Variants in CLVS1 observed in about 807,000 individuals in gnomAD.
CLVS1 encodes clavesin 1.
A neutral mutation model predicts 33.1 loss-of-function variants in CLVS1; 10 were observed. The observed-to-expected ratio is 0.30, with a 90% confidence interval of 0.19 to 0.51. The LOEUF (loss-of-function observed/expected upper bound fraction) is 0.51. Ranked by LOEUF, CLVS1 falls within the 20% of genes least tolerant of loss-of-function variation. The pLI is 0.97. For missense variants in CLVS1, 343 were observed against 433.4 expected (o/e 0.79, Z 1.85); for synonymous variants, 163 against 166.1 (o/e 0.98, Z 0.14).
chr8:61,454,200 T>C lies in CLVS1; in HGVS notation c.690T>C (p.His230=). 6.2e-7 allele frequency: 1 copy of C among 1,614,122 alleles called. No homozygotes were observed. Among genetic ancestry groups the C allele is most frequent in the Non-Finnish European group, 8.5e-7 (1 of 1,179,978 alleles). The stretch of plus-strand genomic sequence containing the variant: ...TTGTCAACCAGCCCTGGTACATTCA[T>C]GCCCTCTACACACTCATCAAGCCAT... ...VHFVNQPWYI[H]ALYTLIKPFL... is the part of the protein sequence containing the mutation. Residue 230 remains histidine, a synonymous_variant, in exon 4 of 6, where the codon CAT becomes CAC. Transcript: ENST00000325897.
At chr8:61,000,275 A>C in the CLVS1 span, among the ~76,000 whole-genome samples, 1 of 152,244 alleles carries the variant, frequency 6.6e-6, no homozygotes, top group South Asian at 2.1e-4. Flanking sequence ...ATTCAGTGTC[A>C]TGAGACAAAA....
intron 3 of CLVS1, among the ~76,000 whole-genome samples, chr8:61,448,662 G>A (rs1035415788): frequency 6.6e-6 from 1 of 151,582 alleles, no homozygotes; most frequent in Non-Finnish European, 1.5e-5. Context: ...GATCACTTGA[G>A]GCCGGGAGTC....
chr8:61,163,579 T>C (rs974573931), intron 2 of CLVS1, among the ~76,000 whole-genome samples: 2 of 152,202 alleles, frequency 1.3e-5, no homozygotes, highest in African/African-American at 4.8e-5. Context: ...GCTCCCAAGA[T>C]GGCAGCAAGC....
At chr8:61,444,991 T>C (rs1402891216) in intron 3 of CLVS1, among the ~76,000 whole-genome samples, 1 of 152,154 alleles carries the variant, frequency 6.6e-6, no homozygotes, top group African/African-American at 2.4e-5. Context: ...TCATTTGTTA[T>C]CTCTGGGAAT....
At chr8:61,067,988 T>TGAGAGA (rs35869191) in intron 1 of CLVS1, among the ~76,000 whole-genome samples, 2 of 143,202 alleles carry the variant, frequency 1.4e-5, no homozygotes, top group East Asian at 2.0e-4. Flanking sequence ...AACTTGATAT[T>TGAGAGA]GAGAGAGAGA....
At chr8:61,200,030 A>G (rs1417850515) in intron 2 of CLVS1, among the ~76,000 whole-genome samples, 2 of 152,248 alleles carry the variant, frequency 1.3e-5, no homozygotes, top group Non-Finnish European at 2.9e-5. Context: ...GAGGAAAAAT[A>G]TAAACACTCG....
intron 2 of CLVS1, among the ~76,000 whole-genome samples, chr8:61,186,043 A>T (rs1360564626): frequency 6.6e-6 from 1 of 152,208 alleles, no homozygotes; most frequent in Non-Finnish European, 1.5e-5. Flanking sequence ...TTCAGGGCTA[A>T]CAGGGGTAGG....
At chr8:61,378,731 C>T (rs953033695) in intron 3 of CLVS1, among the ~76,000 whole-genome samples, 1 of 152,164 alleles carries the variant, frequency 6.6e-6, no homozygotes, top group Non-Finnish European at 1.5e-5. Context: ...CTGCTCTTGC[C>T]CACAGTGGAT....
chr8:61,396,377 A>G (rs537526349), intron 3 of CLVS1, among the ~76,000 whole-genome samples: 1 of 152,332 alleles, frequency 6.6e-6, no homozygotes, highest in Admixed American at 6.5e-5. Context: ...ATTTTTCAAA[A>G]TTCCAAAAAC....
chr8:61,288,713 A>G (rs1159111485), intron 1 of CLVS1, among the ~76,000 whole-genome samples: 1 of 152,210 alleles, frequency 6.6e-6, no homozygotes, highest in African/African-American at 2.4e-5. Flanking sequence ...TGATTCCAGA[A>G]AAACAGAAAT....
At chr8:61,308,988 T>C (rs1810736879) in intron 2 of CLVS1, among the ~76,000 whole-genome samples, 2 of 152,226 alleles carry the variant, frequency 1.3e-5, no homozygotes, top group Non-Finnish European at 2.9e-5. Flanking sequence ...CCCAAGGGTC[T>C]AAATTCAAGT....
intron 2 of CLVS1, among the ~76,000 whole-genome samples, chr8:61,152,070 A>G (rs996019727): frequency 6.6e-6 from 1 of 152,116 alleles, no homozygotes; most frequent in African/African-American, 2.4e-5. Context: ...TTATCTATCT[A>G]TATGTCTTAG....
At chr8:61,047,253 T>A in the CLVS1 span, among the ~76,000 whole-genome samples, 1 of 152,094 alleles carries the variant, frequency 6.6e-6, no homozygotes, top group South Asian at 2.1e-4. Context: ...AAAACCACAA[T>A]GAGATACCAT....
At chr8:61,182,517 C>A (rs562112278) in intron 2 of CLVS1, among the ~76,000 whole-genome samples, 1 of 152,152 alleles carries the variant, frequency 6.6e-6, no homozygotes, top group African/African-American at 2.4e-5. Context: ...CAAAAGTGGG[C>A]AAAGAATATG....
chr8:61,140,559 TTTTA>T (rs1806289479), intron 2 of CLVS1, among the ~76,000 whole-genome samples: 1 of 151,988 alleles, frequency 6.6e-6, no homozygotes, highest in South Asian at 2.1e-4. Flanking sequence ...TTATTTTATT[TTTTA>T]TTTGTTTTTA....
At chr8:61,414,589 C>T (rs1350393897) in intron 3 of CLVS1, among the ~76,000 whole-genome samples, 1 of 152,000 alleles carries the variant, frequency 6.6e-6, no homozygotes, top group Non-Finnish European at 1.5e-5. Context: ...GCTGGGGCTG[C>T]GAGTAGGTCA....
chr8:61,179,489 G>A (rs115407434), intron 2 of CLVS1, among the ~76,000 whole-genome samples: 3,988 of 152,170 alleles, frequency 0.026, 163 homozygotes, highest in African/African-American at 0.09. Flanking sequence ...GGATAAAGTC[G>A]ACTTAATAGA....
At chr8:61,140,012 G>A (rs1806277419) in intron 2 of CLVS1, among the ~76,000 whole-genome samples, 1 of 152,276 alleles carries the variant, frequency 6.6e-6, no homozygotes. Flanking sequence ...CTTGCAGGAA[G>A]CAGCCGAGGT....
chr8:61,071,517 G>T (rs1158304615), intron 1 of CLVS1, among the ~76,000 whole-genome samples: 3 of 152,132 alleles, frequency 2.0e-5, no homozygotes. Flanking sequence ...AACATTTAGG[G>T]TCTACCTAGA....
Sources: gnomAD v4.1 joint callset for allele counts (sites outside exome capture counted in the v4.1 genomes callset) on GRCh38, gnomAD v4.1.1 for gene constraint, MANE v1.5 for transcripts, NCBI Gene and HGNC (gene_info 2026-07-23, HGNC 2026-07-21) for gene names.